The following RALGPS2 variants were observed in gnomAD, a reference collection of about 807,000 sequenced individuals.
The protein encoded by RALGPS2 is Ral GEF with PH domain and SH3 binding motif 2.
In RALGPS2, 43 loss-of-function variants were observed where a neutral mutation model predicts 86.8. The observed-to-expected ratio is 0.50, with a 90% confidence interval of 0.39 to 0.64. The LOEUF (loss-of-function observed/expected upper bound fraction) is 0.64, where lower values mean the gene tolerates loss of function less well. Ranked by LOEUF, RALGPS2 falls within the 30% of genes least tolerant of loss-of-function variation. The pLI is 0.00. For missense variants in RALGPS2, 536 were observed against 694.6 expected, an observed-to-expected ratio of 0.77 and a Z score of 2.57; for synonymous variants, 243 against 231.3, an observed-to-expected ratio of 1.05 and a Z score of -0.46.
chr1:178,865,998 T>A (rs1190128775), intron 8 of RALGPS2, among the ~76,000 whole-genome samples: 1 of 152,204 alleles, frequency 6.6e-6, no homozygotes, highest in East Asian at 1.9e-4. Flanking sequence ...GTTTAAAGAT[T>A]AGGTTTCAGA....
chr1:178,773,715 G>A (rs1008280826), intron 1 of RALGPS2, among the ~76,000 whole-genome samples: 1 of 150,882 alleles, frequency 6.6e-6, no homozygotes, highest in Non-Finnish European at 1.5e-5. Flanking sequence ...AGAATGGTGT[G>A]AACCCGGGAG....
At chr1:178,770,135 G>A (rs531420321) in intron 1 of RALGPS2, among the ~76,000 whole-genome samples, 3 of 151,340 alleles carry the variant, frequency 2.0e-5, no homozygotes, top group East Asian at 3.9e-4. Flanking sequence ...TCCTGCTTCA[G>A]TGTCCTAAGT....
At chr1:178,906,171 G>A (rs936937335) in intron 18 of RALGPS2, among the ~76,000 whole-genome samples, 2 of 152,190 alleles carry the variant, frequency 1.3e-5, no homozygotes, top group South Asian at 2.1e-4. Context: ...TCAGGAGTTC[G>A]AGACCAGCCT....
intron 8 of RALGPS2, among the ~76,000 whole-genome samples, chr1:178,868,084 C>T (rs1658530194): frequency 6.6e-6 from 1 of 151,946 alleles, no homozygotes; most frequent in South Asian, 2.1e-4. Context: ...CTTTTGCTGA[C>T]TGATAGCCAA....
chr1:178,830,227 G>A (rs1005195147), intron 7 of RALGPS2, among the ~76,000 whole-genome samples: 3 of 152,056 alleles, frequency 2.0e-5, no homozygotes, highest in African/African-American at 7.2e-5. Context: ...CAGTACTGCT[G>A]GTGGAAGATT....
rs562515252 is a variant in RALGPS2, at chr1:178,854,390, C to A, written c.607+20840C>A. Among the ~76,000 whole-genome samples the A allele has an allele frequency of 2.0e-4, 30 of 152,148 alleles. 1 individual carries two copies. The South Asian group carries it at 6.2e-3, about 32-fold the overall frequency. ...GTCAGTCAAATAAGTTTTAGAAATG[C>A]AAAATATTATGTTTCCCTTTTGGAA... On this transcript the variant is annotated intron_variant, in intron 8 of 19. Transcript: ENST00000367635.
At chr1:178,844,396 G>A (rs3766642) in intron 8 of RALGPS2, among the ~76,000 whole-genome samples, 29,905 of 151,978 alleles carry the variant, frequency 0.2, 4,608 homozygotes, top group African/African-American at 0.43. Flanking sequence ...CTATATGCTG[G>A]TAAAACTCTT....
Position 178,859,695 on chromosome 1 carries a change from CT to C in RALGPS2, c.608-17782del, listed in dbSNP as rs1190050936. Among the ~76,000 whole-genome samples, 447 of 108,274 alleles carry C rather than the reference CT, an allele frequency of 4.1e-3. 1 individual carries two copies. Among genetic ancestry groups the C allele is most frequent in the Non-Finnish European group, 4.9e-3 (261 of 53,742 alleles). 71.0% of individuals were successfully genotyped at this position (108,274 alleles called of 152,430 possible). ...ACCATGCCACATCATACACGAAGCACTTTTTTTTTTTTTTTTTTTTTGAGAC... is the reference window on the plus strand; with the variant it reads ...ACCATGCCACATCATACACGAAGCACTTTTTTTTTTTTTTTTTTTTGAGAC... On this transcript the variant is annotated intron_variant, in intron 8 of 19. Coordinates refer to ENST00000367635, the MANE Select transcript of RALGPS2 (RefSeq NM_152663.5).
intron 1 of RALGPS2, among the ~76,000 whole-genome samples, chr1:178,730,026 C>G (rs1003747449): frequency 6.6e-6 from 1 of 152,210 alleles, no homozygotes; most frequent in Non-Finnish European, 1.5e-5. Context: ...ATTGCAGCCT[C>G]CACCTCTTGG....
chr1:178,826,424 T>C (rs1393414379), intron 7 of RALGPS2, among the ~76,000 whole-genome samples: 2 of 152,228 alleles, frequency 1.3e-5, no homozygotes, highest in Admixed American at 6.5e-5. Flanking sequence ...TCAGACATTA[T>C]GCTAAGTGAA....
chr1:178,785,446 TA>T, intron 3 of RALGPS2, 110 bp from the exon 4 acceptor site: 1 of 1,192,108 alleles, frequency 8.4e-7, no homozygotes, highest in Non-Finnish European at 1.1e-6. Flanking sequence ...TAAGCCCTTA[TA>T]AAATTGAGTA....
chr1:178,746,975 C>A lies in RALGPS2; in HGVS notation c.-84+21556C>A, dbSNP rs760025768. On this transcript the variant is annotated intron_variant, in intron 1 of 19. Coordinates refer to ENST00000367635, the MANE Select transcript of RALGPS2 (RefSeq NM_152663.5). ...AGGAGGTAGTCTTCCTTAGAAAGTTCTTTCCATCGTTTCTGTATACTAGAA... is the reference window on the plus strand; with the variant it reads ...AGGAGGTAGTCTTCCTTAGAAAGTTATTTCCATCGTTTCTGTATACTAGAA... The A allele has an allele frequency of 2.2e-5, 22 of 980,894 alleles. No individual in the cohort carries two copies. In the Admixed American group the frequency reaches 2.7e-4, roughly 12 times the overall value. 60.8% of individuals were successfully genotyped at this position (980,894 alleles called of 1,614,324 possible).
At chr1:178,761,283 G>T (rs1169872396) in intron 1 of RALGPS2, among the ~76,000 whole-genome samples, 1 of 151,938 alleles carries the variant, frequency 6.6e-6, no homozygotes, top group African/African-American at 2.4e-5. Flanking sequence ...GCCTGACTTT[G>T]TTCATTTTAA....
At chr1:178,788,240 C>T (rs1653764442) in intron 4 of RALGPS2, among the ~76,000 whole-genome samples, 2 of 152,148 alleles carry the variant, frequency 1.3e-5, no homozygotes, top group East Asian at 1.9e-4. Context: ...TCACTGGACT[C>T]GTCAATTGCA....
chr1:178,787,116 A>G (rs1653691871), intron 4 of RALGPS2, among the ~76,000 whole-genome samples: 1 of 152,118 alleles, frequency 6.6e-6, no homozygotes, highest in Non-Finnish European at 1.5e-5. Flanking sequence ...AATGGCAAAA[A>G]GAAAAAACCA....
intron 4 of RALGPS2, among the ~76,000 whole-genome samples, chr1:178,802,569 A>G (rs1162369595): frequency 1.3e-5 from 2 of 152,218 alleles, no homozygotes. Context: ...GGAGATAAGT[A>G]GTGTCATCAC....
At chr1:178,836,020 C>T (rs1471277139) in intron 8 of RALGPS2, among the ~76,000 whole-genome samples, 1 of 152,052 alleles carries the variant, frequency 6.6e-6, no homozygotes, top group South Asian at 2.1e-4. Context: ...TAGTTGGGGA[C>T]CTTCTTGTAC....
chr1:178,904,220 G>A (rs1341596237), intron 18 of RALGPS2, among the ~76,000 whole-genome samples: 1 of 151,792 alleles, frequency 6.6e-6, no homozygotes, highest in South Asian at 2.1e-4. Flanking sequence ...TTACTGATTC[G>A]TTTTGAGTTC....
At chr1:178,760,025 G>A (rs972965399) in intron 1 of RALGPS2, among the ~76,000 whole-genome samples, 1 of 152,126 alleles carries the variant, frequency 6.6e-6, no homozygotes, top group Admixed American at 6.5e-5. Context: ...AATATTGTCT[G>A]TAAACAAGGA....
Sources: gnomAD v4.1 joint callset for allele counts (sites outside exome capture counted in the v4.1 genomes callset) on GRCh38, gnomAD v4.1.1 for gene constraint, MANE v1.5 for transcripts, NCBI Gene and HGNC (gene_info 2026-07-23, HGNC 2026-07-21) for gene names.